Variants in SPPL2A observed in about 807,000 individuals in gnomAD.
SPPL2A encodes signal peptide peptidase like 2A.
Under a neutral mutation model 63.8 loss-of-function variants are expected in SPPL2A, and 51 were observed. The observed-to-expected ratio is 0.80, with a 90% CI of 0.64 to 1.01. SPPL2A has a LOEUF of 1.01. Among genes scored for constraint, SPPL2A ranks in the 50% least tolerant of loss-of-function variants. SPPL2A has a pLI of 0.00. For synonymous variants in SPPL2A, 188 were observed against 205.8 expected (o/e 0.91, Z 0.74); for missense variants, 553 against 622.7 (o/e 0.89, Z 1.19).
chr15:50,728,780 C>G (rs1464453848), intron 10 of SPPL2A, among the ~76,000 whole-genome samples: 1 of 151,054 alleles, frequency 6.6e-6, no homozygotes, highest in South Asian at 2.1e-4. Context: ...GTAGCTGGGA[C>G]TACAGGCGTG....
Position 50,719,985 on chromosome 15 carries a change from C to G in SPPL2A, c.1443G>C (p.Trp481Cys). 6.2e-7 allele frequency: 1 copy of G among 1,613,748 alleles called. No individual in the cohort carries two copies. The highest frequency in any genetic ancestry group is 8.5e-7 in the Non-Finnish European group (1 of 1,179,824). Residue 481 changes from tryptophan (W) to cysteine (C), a missense_variant, in exon 14 of 15, where the codon TGG (tryptophan) becomes TGC (cysteine). Trp to Cys is a radical substitution (Grantham distance 215, BLOSUM62 -2). Transcript: ENST00000261854. Reference protein sequence around the residue: ...CTLITASVVAWRRKEMKKFWK... With the variant: ...CTLITASVVACRRKEMKKFWK... The stretch of plus-strand genomic sequence containing the variant: ...AGAACTTTTTCATTTCCTTACGTCT[C>G]CAGGCAACAACTGAGGCAGTAATAA...
chr15:50,747,955 A>C, intron 4 of SPPL2A, 158 bp downstream of exon 4: 1 of 459,726 alleles, frequency 2.2e-6, no homozygotes, highest in East Asian at 3.6e-5. Context: ...CTTGGTGCCA[A>C]ATGAGAGATG....
intron 14 of SPPL2A, among the ~76,000 whole-genome samples, chr15:50,718,267 G>A (rs1407172339): frequency 2.0e-5 from 3 of 152,060 alleles, no homozygotes; most frequent in East Asian, 1.9e-4. Flanking sequence ...ATGAGCCACC[G>A]CGACCGGCTA....
chr15:50,751,024 A>G (rs1371728119), intron 1 of SPPL2A, among the ~76,000 whole-genome samples: 1 of 152,220 alleles, frequency 6.6e-6, no homozygotes, highest in Non-Finnish European at 1.5e-5. Flanking sequence ...TTCTAATCCC[A>G]TGCTCTGTTA....
intron 5 of SPPL2A, chr15:50,743,399 G>A (rs2062837013): frequency 6.6e-6 from 1 of 152,114 alleles, no homozygotes; most frequent in South Asian, 2.1e-4. Flanking sequence ...AGGCTTGAGT[G>A]CAGTGGCATG....
chr15:50,707,548 A>G lies in SPPL2A; in HGVS notation c.*252T>C. ...GGTCAAGGCATTTTTTTTTAGAAAA[A>G]TATACTGTATATAGTACATCTCGGA... On this transcript the variant is annotated 3_prime_UTR_variant, in exon 15 of 15. Transcript: ENST00000261854. 3.0e-6 allele frequency: 1 copy of G among 334,448 alleles called. No homozygotes were observed. The highest frequency in any genetic ancestry group is 5.4e-6 in the Non-Finnish European group (1 of 185,656). 20.7% of individuals were successfully genotyped at this position (334,448 alleles called of 1,614,324 possible).
Position 50,711,771 on chromosome 15 carries a change from C to T in SPPL2A, c.1489-3897G>A, listed in dbSNP as rs193001053. On this transcript the variant is annotated intron_variant, in intron 14 of 14. Transcript: ENST00000261854. ...GCACTCAACTCTATTATCAGGCATTCGAATGAACCAAATGACTAATAGTAT... is the reference window on the plus strand; with the variant it reads ...GCACTCAACTCTATTATCAGGCATTTGAATGAACCAAATGACTAATAGTAT... 3.4e-3 allele frequency among the ~76,000 whole-genome samples: 512 copies of T among 151,978 alleles called. 4 individuals are homozygous for T. Among genetic ancestry groups the T allele is most frequent in the African/African-American group, 0.012 (497 of 41,466 alleles).
intron 3 of SPPL2A, among the ~76,000 whole-genome samples, chr15:50,748,448 C>A (rs762016788): frequency 3.4e-4 from 51 of 151,024 alleles, no homozygotes; most frequent in Non-Finnish European, 5.7e-4. Context: ...ATATATATCT[C>A]TATATATATG....
intron 5 of SPPL2A, among the ~76,000 whole-genome samples, chr15:50,742,147 C>T (rs1241731314): frequency 6.6e-6 from 1 of 151,936 alleles, no homozygotes; most frequent in African/African-American, 2.4e-5. Context: ...TGGTAGCTCA[C>T]GCCTGTAATC....
At chr15:50,736,247 T>A (rs1482626587) in intron 7 of SPPL2A, 45 bp from the exon 8 acceptor site, 2 of 1,105,970 alleles carry the variant, frequency 1.8e-6, no homozygotes, top group African/African-American at 3.1e-5. Context: ...TGAAGTACAA[T>A]GTTCACTTGA....
At chr15:50,713,375 C>T (rs1341673685) in intron 14 of SPPL2A, among the ~76,000 whole-genome samples, 1 of 151,690 alleles carries the variant, frequency 6.6e-6, no homozygotes, top group East Asian at 1.9e-4. Context: ...AGCAATTCTC[C>T]TGTCTCAGCC....
chr15:50,707,542 A>T lies in SPPL2A; in HGVS notation c.*258T>A, dbSNP rs529569976. ...GGGGTGGGTCAAGGCATTTTTTTTT[A>T]GAAAAATATACTGTATATAGTACAT... On this transcript the variant is annotated 3_prime_UTR_variant, in exon 15 of 15. Transcript: ENST00000261854. 3.5e-5 allele frequency: 11 copies of T among 317,762 alleles called. No homozygotes were observed. The Admixed American group carries it at 4.1e-4, about 12-fold the overall frequency. The allele number at this position is 317,762 out of a possible 1,614,324, so 19.7% of individuals were successfully genotyped here. A position where few individuals can be genotyped will look rare whatever the true frequency, so the allele number is the denominator to read the frequency against.
At chr15:50,709,746 C>T (rs951060498) in intron 14 of SPPL2A, among the ~76,000 whole-genome samples, 3 of 151,684 alleles carry the variant, frequency 2.0e-5, no homozygotes, top group African/African-American at 4.8e-5. Flanking sequence ...CCCAAGATCG[C>T]GCCACTGCAC....
At chr15:50,725,716 C>T (rs12910613) in intron 11 of SPPL2A, among the ~76,000 whole-genome samples, 13,271 of 152,198 alleles carry the variant, frequency 0.087, 731 homozygotes, top group South Asian at 0.15. Context: ...CAGGCATGAG[C>T]CACCGTGCCT....
chr15:50,737,546 A>G (rs1440432013), intron 6 of SPPL2A, among the ~76,000 whole-genome samples: 1 of 151,940 alleles, frequency 6.6e-6, no homozygotes, highest in Admixed American at 6.6e-5. Context: ...TCCGCCTCCC[A>G]GGCTTAAGCG....
chr15:50,755,701 C>T (rs1596398736), intron 1 of SPPL2A, among the ~76,000 whole-genome samples: 1 of 146,652 alleles, frequency 6.8e-6, no homozygotes. Flanking sequence ...TCCAGACCTA[C>T]TGAATCAGAA....
chr15:50,732,795 T>G, intron 8 of SPPL2A, 111 bp from the exon 9 acceptor site: 1 of 220,888 alleles, frequency 4.5e-6, no homozygotes, highest in South Asian at 1.1e-4. Flanking sequence ...TGACTATTCC[T>G]TTTTTTTTTT....
At chr15:50,729,328 G>A (rs184099728) in intron 10 of SPPL2A, among the ~76,000 whole-genome samples, 4 of 152,342 alleles carry the variant, frequency 2.6e-5, no homozygotes, top group Admixed American at 2.0e-4. Context: ...ATTGTTCAGT[G>A]AAGTCAATGA....
chr15:50,726,301 T>C lies in SPPL2A; in HGVS notation c.1146+20A>G. ...CATACATACACTGGATAGCCATTTCTATTTCATTGCCATCCCTACCTTTTC... is the reference window on the plus strand; with the variant it reads ...CATACATACACTGGATAGCCATTTCCATTTCATTGCCATCCCTACCTTTTC... On this transcript the variant is annotated intron_variant, in intron 11 of 14. Coordinates refer to ENST00000261854, the MANE Select transcript of SPPL2A (RefSeq NM_032802.4). 1.9e-6 allele frequency: 3 copies of C among 1,611,738 alleles called. No individual in the cohort carries two copies. Among genetic ancestry groups the C allele is most frequent in the Non-Finnish European group, 2.5e-6 (3 of 1,177,866 alleles).
Sources: gnomAD v4.1 joint callset for allele counts (sites outside exome capture counted in the v4.1 genomes callset) on GRCh38, gnomAD v4.1.1 for gene constraint, MANE v1.5 for transcripts, NCBI Gene and HGNC (gene_info 2026-07-23, HGNC 2026-07-21) for gene names.